Variants in IGF1R observed in about 807,000 individuals in gnomAD.
IGF1R encodes the protein insulin-like growth factor 1 receptor.
In IGF1R, 44 loss-of-function variants were observed where a neutral mutation model predicts 144.6. The observed-to-expected ratio is 0.30, with a 90% CI of 0.24 to 0.39. The LOEUF (loss-of-function observed/expected upper bound fraction) is 0.39, where lower values mean the gene tolerates loss of function less well. Ranked by LOEUF, IGF1R falls within the 10% of genes least tolerant of loss-of-function variation. The pLI, the probability that IGF1R is intolerant of heterozygous loss-of-function variation, is 1.00. For synonymous variants in IGF1R, 795 were observed against 722.8 expected, an observed-to-expected ratio of 1.10 and a Z score of -1.60; for missense variants, 1,355 against 1,833.7, an observed-to-expected ratio of 0.74 and a Z score of 4.77.
At chr15:98,773,308 G>A (rs2055636164) in intron 2 of IGF1R, among the ~76,000 whole-genome samples, 1 of 152,084 alleles carries the variant, frequency 6.6e-6, no homozygotes, top group Admixed American at 6.5e-5. Flanking sequence ...GGCTGCTGTT[G>A]GCCTCAATGT....
intron 2 of IGF1R, among the ~76,000 whole-genome samples, chr15:98,873,471 C>T (rs1306632879): frequency 1.3e-5 from 2 of 152,198 alleles, no homozygotes; most frequent in East Asian, 3.8e-4. Flanking sequence ...GATTATTTCT[C>T]TTCATCGAAA....
chr15:98,867,364 ATATT>A (rs1485762160), intron 2 of IGF1R, among the ~76,000 whole-genome samples: 1 of 152,248 alleles, frequency 6.6e-6, no homozygotes, highest in East Asian at 1.9e-4. Context: ...TTTAAGTTAT[ATATT>A]AATATGAGTA....
intron 2 of IGF1R, among the ~76,000 whole-genome samples, chr15:98,751,995 C>T (rs922271856): frequency 1.3e-5 from 2 of 152,096 alleles, no homozygotes; most frequent in Admixed American, 6.6e-5. Flanking sequence ...GAGTCTGTGT[C>T]AGTATTTGTT....
chr15:98,730,867 AAAG>A (rs2054481970), intron 2 of IGF1R, among the ~76,000 whole-genome samples: 1 of 152,192 alleles, frequency 6.6e-6, no homozygotes, highest in Non-Finnish European at 1.5e-5. Context: ...CAGAAATATT[AAAG>A]AATATTATCA....
Position 98,917,870 on chromosome 15 carries a change from T to C in IGF1R, c.2201+994T>C, listed in dbSNP as rs78505627. ...GGAATGGGAATTATTCCATAATCGA[T>C]AGGTTTTCTATTTGGAGTGATGAAA... On this transcript the variant is annotated intron_variant, in intron 10 of 20. Transcript: ENST00000650285. 1.9e-3 allele frequency among the ~76,000 whole-genome samples: 287 copies of C among 152,282 alleles called. 2 individuals carry two copies. Among genetic ancestry groups the C allele is most frequent in the African/African-American group, 5.8e-3 (241 of 41,554 alleles).
intron 2 of IGF1R, among the ~76,000 whole-genome samples, chr15:98,741,259 T>C (rs2054736080): frequency 6.7e-6 from 1 of 149,852 alleles, no homozygotes; most frequent in Non-Finnish European, 1.5e-5. Flanking sequence ...TTTTTTTTTT[T>C]TTGGTAACAA....
intron 2 of IGF1R, among the ~76,000 whole-genome samples, chr15:98,857,630 C>T (rs1250449070): frequency 6.6e-6 from 1 of 152,232 alleles, no homozygotes; most frequent in Non-Finnish European, 1.5e-5. Flanking sequence ...TGTGGATGCC[C>T]TGTCCAGTAC....
intron 2 of IGF1R, among the ~76,000 whole-genome samples, chr15:98,857,473 C>T (rs941856445): frequency 6.6e-6 from 1 of 152,244 alleles, no homozygotes; most frequent in Admixed American, 6.5e-5. Context: ...CCCACCTCGG[C>T]TTTCCAAAGT....
intron 2 of IGF1R, among the ~76,000 whole-genome samples, chr15:98,842,235 C>T (rs1191749391): frequency 1.3e-5 from 2 of 152,168 alleles, no homozygotes; most frequent in Non-Finnish European, 2.9e-5. Flanking sequence ...TGCTTGTATA[C>T]GTTCATTTTT....
In IGF1R at chr15:98,935,907, A is replaced by T. The variant is rs1166719168; in HGVS notation, c.3297+481A>T. ...CCCGTTGTGTTTAGCTTTTCATCTC[A>T]GTCCAAGTGTGTGGCTCAGGGCCGC... On this transcript the variant is annotated intron_variant, in intron 17 of 20. Coordinates refer to ENST00000650285, the MANE Select transcript of IGF1R (RefSeq NM_000875.5). This position sits in a 1 kb window ranked among gnomAD's most constrained non-coding sequence, Gnocchi z 4.2. Among the ~76,000 whole-genome samples the T allele has an allele frequency of 3.3e-5, 5 of 152,086 alleles. No homozygotes were observed. The highest frequency in any genetic ancestry group is 1.2e-4 in the African/African-American group (5 of 41,400).
chr15:98,711,322 A>G (rs1272057229), intron 2 of IGF1R, among the ~76,000 whole-genome samples: 1 of 152,172 alleles, frequency 6.6e-6, no homozygotes, highest in Non-Finnish European at 1.5e-5. Context: ...ATCTGGAGAA[A>G]CACGTCAAGG....
chr15:98,950,202 C>A (rs1335744411), intron 20 of IGF1R, among the ~76,000 whole-genome samples: 2 of 152,208 alleles, frequency 1.3e-5, no homozygotes, highest in Non-Finnish European at 2.9e-5. Flanking sequence ...CCATCCACCC[C>A]CCTGGAGCCA....
chr15:98,707,821 C>T lies in IGF1R; in HGVS notation c.354C>T (p.Val118=). The stretch of plus-strand genomic sequence containing the variant: ...AACTCTTCTACAACTACGCCCTGGT[C>T]ATCTTCGAGATGACCAATCTCAAGG... The part of the protein sequence containing the change: ...GWKLFYNYAL[V]IFEMTNLKDI... Residue 118 remains valine (V), a synonymous_variant, in exon 2 of 21, where the codon GTC becomes GTT. Coordinates refer to ENST00000650285, the MANE Select transcript of IGF1R (RefSeq NM_000875.5). This position sits in a 1 kb window ranked among gnomAD's most constrained non-coding sequence, Gnocchi z 6.7. 2 of 1,614,216 alleles carry T rather than the reference C, an allele frequency of 1.2e-6. No homozygotes were observed. Among genetic ancestry groups the T allele is most frequent in the African/African-American group, 2.7e-5 (2 of 75,064 alleles).
At chr15:98,795,401 G>GT (rs1005800713) in intron 2 of IGF1R, among the ~76,000 whole-genome samples, 1 of 135,214 alleles carries the variant, frequency 7.4e-6, no homozygotes, top group Non-Finnish European at 1.6e-5. Context: ...TTTCTTTCTT[G>GT]TTTTTTGTTT....
chr15:98,773,579 G>A (rs2141376710), intron 2 of IGF1R, among the ~76,000 whole-genome samples: 1 of 152,242 alleles, frequency 6.6e-6, no homozygotes, highest in East Asian at 1.9e-4. Flanking sequence ...TTGTTCTGGG[G>A]ACCACTCTTA....
At chr15:98,670,458 A>G (rs45438593) in intron 1 of IGF1R, among the ~76,000 whole-genome samples, 2,172 of 152,254 alleles carry the variant, frequency 0.014, 15 homozygotes, top group Middle Eastern at 0.017. Context: ...ATGGTTTTCC[A>G]GGTCTGTAAA....
chr15:98,738,263 T>G (rs1417898792), intron 2 of IGF1R, among the ~76,000 whole-genome samples: 1 of 152,346 alleles, frequency 6.6e-6, no homozygotes, highest in East Asian at 1.9e-4. Flanking sequence ...CTCAAACTGC[T>G]GGACTCAAGG....
At chr15:98,720,364 C>G (rs754659952) in intron 2 of IGF1R, among the ~76,000 whole-genome samples, 1 of 152,200 alleles carries the variant, frequency 6.6e-6, no homozygotes, top group Non-Finnish European at 1.5e-5. Context: ...CTCTGAGATT[C>G]AGTTTTGAAG....
rs377179240 is a variant in IGF1R, at chr15:98,727,726, C to T, written c.640+19619C>T. Among the ~76,000 whole-genome samples, 408 of 152,282 alleles carry T rather than the reference C, an allele frequency of 2.7e-3. 2 individuals are homozygous for T. The highest frequency in any genetic ancestry group is 9.3e-3 in the African/African-American group (388 of 41,550). ...TCGGGGCAGTCACAGGCTTTCCTCTCGGCCTGCTTGTCCTCCGGGTGGGTC... is the reference window on the plus strand; with the variant it reads ...TCGGGGCAGTCACAGGCTTTCCTCTTGGCCTGCTTGTCCTCCGGGTGGGTC... On this transcript the variant is annotated intron_variant, in intron 2 of 20. Coordinates refer to ENST00000650285, the MANE Select transcript of IGF1R (RefSeq NM_000875.5).
Sources: allele counts gnomAD v4.1 joint callset (sites outside exome capture counted in the v4.1 genomes callset), GRCh38; gene constraint gnomAD v4.1.1; non-coding constraint Gnocchi (gnomAD v3.1); transcripts MANE v1.5; gene names NCBI Gene and HGNC (gene_info 2026-07-23, HGNC 2026-07-21).